FGF13: variants seen among roughly 807,000 people sequenced by gnomAD.
The protein encoded by FGF13 is fibroblast growth factor homologous factor 2.
FGF13 carries 2 observed loss-of-function variants against 19.5 expected under a neutral mutation model. The observed-to-expected ratio is 0.10, with a 90% CI of 0.04 to 0.32. FGF13 has a LOEUF of 0.32. FGF13 is among the 10% of genes least tolerant of loss of function. The pLI is 1.00. For missense variants in FGF13, 113 were observed against 192.7 expected (o/e 0.59, Z 2.45); for synonymous variants, 72 against 76.9 (o/e 0.94, Z 0.33).
At chrX:138,687,221 G>A (rs1212925485) in intron 3 of FGF13, among the ~76,000 whole-genome samples, 3 of 111,311 alleles carry the variant, frequency 2.7e-5, no homozygotes, top group African/African-American at 9.8e-5. Flanking sequence ...CTACAGAATG[G>A]GAGAAAATAT....
chrX:138,865,478 CT>C (rs2091317251), intron 1 of FGF13, among the ~76,000 whole-genome samples: 1 of 96,967 alleles, frequency 1.0e-5, no homozygotes, highest in Non-Finnish European at 2.1e-5. Context: ...TCTCTCCTCT[CT>C]CTCTCTCCTC....
chrX:139,031,956 G>C (rs2092228257), intron 1 of FGF13, among the ~76,000 whole-genome samples: 1 of 110,872 alleles, frequency 9.0e-6, no homozygotes, highest in African/African-American at 3.3e-5. Flanking sequence ...CCATAAGACA[G>C]AGTTATGCCC....
chrX:138,969,045 G>GA (rs1209591389), intron 1 of FGF13, among the ~76,000 whole-genome samples: 1 of 111,745 alleles, frequency 8.9e-6, no homozygotes, highest in Non-Finnish European at 1.9e-5. Flanking sequence ...TACAGTTGAT[G>GA]AGAGTTGAAA....
At chrX:138,849,085 T>C (rs1231203523) in intron 3 of FGF13, among the ~76,000 whole-genome samples, 1 of 111,446 alleles carries the variant, frequency 9.0e-6, no homozygotes, top group Non-Finnish European at 1.9e-5. Flanking sequence ...AGTGTGCTAC[T>C]TGACAAAGCT....
At chrX:138,911,543 T>G (rs2124226277) in intron 1 of FGF13, among the ~76,000 whole-genome samples, 1 of 110,317 alleles carries the variant, frequency 9.1e-6, no homozygotes, top group East Asian at 2.9e-4. Flanking sequence ...GATGAAATAA[T>G]ACGTACAACA....
In FGF13 at chrX:139,091,207, C is replaced by T. The variant is rs150443733; in HGVS notation, c.-113+112209G>A. 5.0e-3 allele frequency among the ~76,000 whole-genome samples: 557 copies of T among 110,771 alleles called. 5 individuals are homozygous for T. The highest frequency in any genetic ancestry group is 0.018 in the African/African-American group (545 of 30,424). ...ACTTGGGTCAGAATCCTAGAACTAG[C>T]CAAGGCCTTGAAAAGCAAACTTGGC... On this transcript the variant is annotated intron_variant, in intron 1 of 2. Coordinates refer to the FGF13 transcript ENST00000421460.
intron 3 of FGF13, among the ~76,000 whole-genome samples, chrX:138,813,324 G>C: frequency 9.0e-6 from 1 of 111,267 alleles, no homozygotes; most frequent in South Asian, 3.8e-4. Flanking sequence ...CTCATACTCT[G>C]CTTATTACTG....
At chrX:139,114,591 A>G (rs955593746) in intron 1 of FGF13, among the ~76,000 whole-genome samples, 7 of 111,584 alleles carry the variant, frequency 6.3e-5, no homozygotes, top group African/African-American at 2.3e-4. Context: ...CTGTTTCCTC[A>G]TCTGTTCAAC....
At chrX:138,905,506 G>A (rs1006986352) in intron 1 of FGF13, among the ~76,000 whole-genome samples, 2 of 111,567 alleles carry the variant, frequency 1.8e-5, no homozygotes. Flanking sequence ...AGACTCTAAG[G>A]GGACCTTGAC....
intron 2 of FGF13, among the ~76,000 whole-genome samples, chrX:138,860,834 T>C (rs2091284555): frequency 8.9e-6 from 1 of 112,112 alleles, no homozygotes; most frequent in Non-Finnish European, 1.9e-5. Context: ...GAACAGGCCT[T>C]TGGGGGGAAA....
intron 1 of FGF13, among the ~76,000 whole-genome samples, chrX:138,977,362 G>C (rs1328982980): frequency 3.6e-5 from 4 of 112,360 alleles, no homozygotes; most frequent in Non-Finnish European, 7.5e-5. Flanking sequence ...CTGGTAAATA[G>C]TGGGAGCTTT....
intron 3 of FGF13, among the ~76,000 whole-genome samples, chrX:138,689,733 G>A (rs2124206503): frequency 8.9e-6 from 1 of 112,166 alleles, no homozygotes; most frequent in South Asian, 3.7e-4. Flanking sequence ...ATTTAAGGCC[G>A]AGTTCCACAG....
At chrX:139,085,501 G>C (rs897763728) in intron 1 of FGF13, among the ~76,000 whole-genome samples, 1 of 112,225 alleles carries the variant, frequency 8.9e-6, no homozygotes, top group African/African-American at 3.2e-5. Context: ...GTGTGGGTAT[G>C]CTATGTAAAA....
At chrX:139,033,050 A>AAAAAAAAC (rs1569444631) in intron 1 of FGF13, among the ~76,000 whole-genome samples, 1 of 98,976 alleles carries the variant, frequency 1.0e-5, no homozygotes, top group African/African-American at 3.8e-5. Context: ...AAAAAAAAAA[A>AAAAAAAAC]AAAAACTACA....
intron 1 of FGF13, among the ~76,000 whole-genome samples, chrX:139,123,546 C>T (rs975262594): frequency 8.9e-6 from 1 of 112,199 alleles, no homozygotes; most frequent in Non-Finnish European, 1.9e-5. Context: ...ATGTCACCTC[C>T]TTGGAGAGGA....
intron 3 of FGF13, among the ~76,000 whole-genome samples, chrX:138,669,868 C>T (rs2089594260): frequency 1.8e-5 from 2 of 111,342 alleles, no homozygotes; most frequent in South Asian, 7.5e-4. Flanking sequence ...TCTAAATAGT[C>T]TGAATCTCAG....
At chrX:138,859,701 G>A (rs1450957779) in intron 2 of FGF13, among the ~76,000 whole-genome samples, 1 of 111,957 alleles carries the variant, frequency 8.9e-6, no homozygotes, top group Non-Finnish European at 1.9e-5. Flanking sequence ...AATTAGATAC[G>A]ACTGGTTATC....
At chrX:138,654,734 C>T (rs2124137750) in intron 3 of FGF13, among the ~76,000 whole-genome samples, 1 of 100,882 alleles carries the variant, frequency 9.9e-6, no homozygotes, top group South Asian at 4.4e-4. Flanking sequence ...GAGTGAAACT[C>T]CGGCTCAAAA....
intron 1 of FGF13, among the ~76,000 whole-genome samples, chrX:138,948,463 T>C (rs1301640858): frequency 2.7e-5 from 3 of 111,776 alleles, no homozygotes; most frequent in African/African-American, 6.5e-5. Context: ...CTGAGGCCTT[T>C]GGGAAGATGC....
Sources: gnomAD v4.1 joint callset for allele counts (sites outside exome capture counted in the v4.1 genomes callset) on GRCh38, gnomAD v4.1.1 for gene constraint, MANE v1.5 for transcripts, NCBI Gene and HGNC (gene_info 2026-07-23, HGNC 2026-07-21) for gene names.